The following MRPS21 variants were observed in gnomAD, a reference collection of about 807,000 sequenced individuals.
MRPS21 encodes small ribosomal subunit protein bS21m.
A neutral mutation model predicts 9.9 loss-of-function variants in MRPS21; 8 were observed. The ratio of observed to expected loss-of-function variants is 0.81; its 90% CI spans 0.47 to 1.45. The LOEUF (loss-of-function observed/expected upper bound fraction) is 1.45. Among genes scored for constraint, MRPS21 ranks in the 40% most tolerant of loss-of-function variants. The pLI is 0.00. For synonymous variants in MRPS21, 40 were observed against 40.3 expected (o/e 0.99, Z 0.03); for missense variants, 101 against 118.9 (o/e 0.85, Z 0.70).
chr1:150,298,100 A>G (rs1391635006), intron 2 of MRPS21, among the ~76,000 whole-genome samples: 7 of 151,978 alleles, frequency 4.6e-5, no homozygotes, highest in Admixed American at 2.0e-4. Context: ...AGCCCAGCTA[A>G]TTTTGTATTT....
rs1255492289 is a variant in MRPS21, at chr1:150,308,136, G to C, written c.172G>C (p.Glu58Gln). 1.2e-6 allele frequency: 2 copies of C among 1,610,184 alleles called. No homozygotes were observed. Among genetic ancestry groups the C allele is most frequent in the South Asian group, 2.2e-5 (2 of 90,998 alleles). The change falls in exon 3 of 3, where the codon GAA (glutamate) becomes CAA (glutamine). Residue 58 changes from glutamate (E) to glutamine (Q), a missense_variant. Glu to Gln is a conservative substitution (Grantham distance 29). Coordinates refer to ENST00000614145, the MANE Select transcript of MRPS21 (RefSeq NM_031901.6). ...PCCRRQRESY[E>Q]RCRRIYNMEM... Reference sequence around the variant, plus strand: ...CTGCCGGCGACAGAGGGAAAGCTATGAAAGGTGCCGGCGGATCTACAACAT... The same window carrying C: ...CTGCCGGCGACAGAGGGAAAGCTATCAAAGGTGCCGGCGGATCTACAACAT...
chr1:150,298,695 G>A (rs781854902), intron 2 of MRPS21, among the ~76,000 whole-genome samples: 2 of 151,970 alleles, frequency 1.3e-5, no homozygotes, highest in Non-Finnish European at 2.9e-5. Context: ...TCCGCCTCCC[G>A]AGTTCAAGCG....
chr1:150,303,134 C>G (rs1553857932), intron 2 of MRPS21, among the ~76,000 whole-genome samples: 1 of 152,170 alleles, frequency 6.6e-6, no homozygotes, highest in Admixed American at 6.6e-5. Flanking sequence ...TTGAGTCATA[C>G]TCAACCCCTT....
chr1:150,297,466 G>A (rs1183738598), intron 2 of MRPS21, among the ~76,000 whole-genome samples: 1 of 152,026 alleles, frequency 6.6e-6, no homozygotes, highest in African/African-American at 2.4e-5. Flanking sequence ...GAGGTCAGGA[G>A]TTCAATACCA....
rs10561928 is a variant in MRPS21, at chr1:150,307,050, A to ATT, written c.84-987_84-986dup. Among the ~76,000 whole-genome samples, 1,172 of 148,690 alleles carry ATT rather than the reference A, an allele frequency of 7.9e-3. 5 individuals are homozygous for ATT. The highest frequency in any genetic ancestry group is 0.034 in the Middle Eastern group (10 of 292). ...AATTAATTGCTTTTTTATTTCCCCA[A>ATT]TTTTTTTTTTTTGAGACAAGAGTCT... On this transcript the variant is annotated intron_variant, in intron 2 of 2. Transcript: ENST00000614145.
intron 2 of MRPS21, among the ~76,000 whole-genome samples, chr1:150,297,403 G>T (rs1553856760): frequency 6.6e-6 from 1 of 152,070 alleles, no homozygotes; most frequent in African/African-American, 2.4e-5. Flanking sequence ...CAGGCGTGGT[G>T]GCTCATGCCT....
At chr1:150,306,334 G>A (rs1654329197) in intron 2 of MRPS21, among the ~76,000 whole-genome samples, 1 of 152,102 alleles carries the variant, frequency 6.6e-6, no homozygotes, top group African/African-American at 2.4e-5. Flanking sequence ...CTGGAGTGCA[G>A]TGGCACCATC....
chr1:150,305,702 C>T (rs1423691136), intron 2 of MRPS21, among the ~76,000 whole-genome samples: 1 of 152,130 alleles, frequency 6.6e-6, no homozygotes, highest in African/African-American at 2.4e-5. Context: ...TCAAGCTATT[C>T]TCCTGCCTCC....
Position 150,308,326 on chromosome 1 carries a change from T to A in MRPS21, c.*98T>A. 1 of 1,267,774 alleles carries A rather than the reference T, an allele frequency of 7.9e-7. No individual in the cohort carries two copies. The highest frequency in any genetic ancestry group is 1.1e-6 in the Non-Finnish European group (1 of 930,402). 78.5% of individuals were successfully genotyped at this position (1,267,774 alleles called of 1,614,324 possible). ...CATTTCCTATTACCATTCTCTGCAA[T>A]AAACTCAAATCACATGTCTGCAAGA... On this transcript the variant is annotated 3_prime_UTR_variant, in exon 3 of 3. Coordinates refer to ENST00000614145, the MANE Select transcript of MRPS21 (RefSeq NM_031901.6).
chr1:150,297,086 T>C (rs1462792836), intron 2 of MRPS21, among the ~76,000 whole-genome samples: 2 of 148,906 alleles, frequency 1.3e-5, no homozygotes, highest in Admixed American at 1.3e-4. Context: ...GGTCAGGACA[T>C]CGAGACCATC....
intron 2 of MRPS21, among the ~76,000 whole-genome samples, chr1:150,307,278 C>A (rs868935178): frequency 6.6e-6 from 1 of 151,550 alleles, no homozygotes; most frequent in Non-Finnish European, 1.5e-5. Context: ...GAACTCCCGA[C>A]CTCAGGTGAT....
intron 2 of MRPS21, among the ~76,000 whole-genome samples, chr1:150,301,619 C>A (rs1460095008): frequency 7.6e-5 from 3 of 39,464 alleles, no homozygotes; most frequent in African/African-American, 3.3e-4. Flanking sequence ...TTTTCTTTTT[C>A]CTTTCTTTTT....
intron 2 of MRPS21, among the ~76,000 whole-genome samples, chr1:150,295,164 T>C (rs1026933267): frequency 3.3e-5 from 5 of 151,698 alleles, no homozygotes; most frequent in African/African-American, 1.2e-4. Context: ...CCCGGTTAAT[T>C]TTTGTATTTA....
intron 2 of MRPS21, among the ~76,000 whole-genome samples, chr1:150,305,867 T>TGGGGGC (rs1560066921): frequency 6.6e-6 from 1 of 151,910 alleles, no homozygotes; most frequent in Non-Finnish European, 1.5e-5. Flanking sequence ...GATATATATA[T>TGGGGGC]AGGGGGCAAT....
At chr1:150,304,572 T>A (rs1654255906) in intron 2 of MRPS21, 1 of 168,062 alleles carries the variant, frequency 6.0e-6, no homozygotes, top group South Asian at 1.1e-4. Flanking sequence ...CTGACCAATA[T>A]GGTGAAACTC....
In MRPS21 at chr1:150,294,139, A is replaced by C. The variant is rs1050818; in HGVS notation, c.-32-196A>C. ...CCTGCTGCCATCTCTTTTCTTCTCT[A>C]TGCGAGGATTTGGACTGGCAGTGAG... On this transcript the variant is annotated intron_variant, in intron 1 of 2. Coordinates refer to ENST00000614145, the MANE Select transcript of MRPS21 (RefSeq NM_031901.6). 0.19 allele frequency: 88,011 copies of C among 466,962 alleles called. 9,802 individuals are homozygous for C. The highest frequency in any genetic ancestry group is 0.29 in the African/African-American group (14,745 of 50,520). The allele number at this position is 466,962 out of a possible 1,614,324, so 28.9% of individuals were successfully genotyped here. A position where few individuals can be genotyped will look rare whatever the true frequency, so the allele number is the denominator to read the frequency against.
chr1:150,298,909 C>T (rs587662026), intron 2 of MRPS21, among the ~76,000 whole-genome samples: 1 of 152,082 alleles, frequency 6.6e-6, no homozygotes, highest in African/African-American at 2.4e-5. Context: ...TGAACCACTT[C>T]TTACAGTTGT....
intron 2 of MRPS21, chr1:150,301,340 G>GA (rs781829883): frequency 0.99 from 277,650 of 280,122 alleles, 137,590 homozygotes; most frequent in African/African-American, 1. Context: ...CGTCTCAAAA[G>GA]AAAAAAAATT....
intron 2 of MRPS21, among the ~76,000 whole-genome samples, chr1:150,307,372 C>CTTTTTTTTT (rs1159033815): frequency 9.0e-6 from 1 of 110,992 alleles, no homozygotes; most frequent in Non-Finnish European, 1.7e-5. Context: ...TTTTTTTTTC[C>CTTTTTTTTT]TTTGAGTCAA....
Sources: allele counts gnomAD v4.1 joint callset (sites outside exome capture counted in the v4.1 genomes callset), GRCh38; gene constraint gnomAD v4.1.1; transcripts MANE v1.5; gene names NCBI Gene and HGNC (gene_info 2026-07-23, HGNC 2026-07-21).